The following DOCK10 variants were observed in gnomAD, a reference collection of about 807,000 sequenced individuals.
The protein encoded by DOCK10 is dedicator of cytokinesis protein 10.
In DOCK10, 145 loss-of-function variants were observed where a neutral mutation model predicts 280.1. The observed-to-expected ratio is 0.52, with a 90% CI of 0.45 to 0.59. The LOEUF (loss-of-function observed/expected upper bound fraction) is 0.59, where lower values mean the gene tolerates loss of function less well. DOCK10 is among the 20% of genes least tolerant of loss of function. DOCK10 has a pLI of 0.00. For synonymous variants in DOCK10, 915 were observed against 942.2 expected (o/e 0.97, Z 0.53); for missense variants, 2,368 against 2,651.7 (o/e 0.89, Z 2.35).
At position 224,770,267 on chromosome 2, in the gene DOCK10, G is replaced by C; in HGVS notation, c.6388C>G (p.Leu2130Val). The C allele has an allele frequency of 6.2e-7, 1 of 1,605,154 alleles. No homozygotes were observed. The highest frequency in any genetic ancestry group is 8.5e-7 in the Non-Finnish European group (1 of 1,175,832). The change falls in exon 55 of 56, where the codon CTG becomes GTG. Residue 2130 changes from leucine (L) to valine (V), a missense_variant. Physicochemically the swap from Leu to Val is conservative, Grantham distance 32. Around this residue, in one of 2 missense-constraint regions of DOCK10, gnomAD observed 1,159 missense variants for 1,400.8 expected, o/e 0.83. Coordinates refer to ENST00000258390, the MANE Select transcript of DOCK10 (RefSeq NM_014689.3). This position sits in a 1 kb window ranked among gnomAD's most constrained non-coding sequence, Gnocchi z 4.5. ...AGCATGTCCTTGTAGTGGGACCTCA[G>C]TTCTTCCTGGTACTCCAGCTGGTCC... ...KEDQLEYQEE[L>V]RSHYKDMLSE...
chr2:224,867,902 T>C (rs1345102884), intron 11 of DOCK10, among the ~76,000 whole-genome samples: 1 of 152,176 alleles, frequency 6.6e-6, no homozygotes, highest in Non-Finnish European at 1.5e-5. Flanking sequence ...GGTCATACCA[T>C]TGGCTGATAT....
Position 224,806,027 on chromosome 2 carries a change from T to C in DOCK10, c.3814+99A>G, listed in dbSNP as rs183244609. The C allele has an allele frequency of 6.5e-4, 432 of 669,678 alleles. 2 individuals are homozygous for C. In the African/African-American group the frequency reaches 7.6e-3, roughly 12 times the overall value. The allele number at this position is 669,678 out of a possible 1,614,324, so 41.5% of individuals were successfully genotyped here. On this transcript the variant is annotated intron_variant, in intron 34 of 55. Transcript: ENST00000258390. ...ATGTAGTATACTTTGCCACGTAGAT[T>C]ATGCATAATAAATTACGGACTGAGT...
chr2:224,771,597 G>C (rs1272953465), intron 53 of DOCK10, among the ~76,000 whole-genome samples: 1 of 152,248 alleles, frequency 6.6e-6, no homozygotes, highest in African/African-American at 2.4e-5. Context: ...GTGCATAGAA[G>C]CCTTTAATGT....
chr2:224,804,748 G>T, intron 38 of DOCK10, 46 bp downstream of exon 38: 1 of 1,245,612 alleles, frequency 8.0e-7, no homozygotes, highest in Non-Finnish European at 1.1e-6. Context: ...CATGTCATAT[G>T]CTTTTTAAAA....
At chr2:225,019,947 G>C (rs1689742205) in intron 1 of DOCK10, among the ~76,000 whole-genome samples, 1 of 152,054 alleles carries the variant, frequency 6.6e-6, no homozygotes, top group African/African-American at 2.4e-5. Context: ...TTAATACATG[G>C]GTGTAAATTG....
At chr2:224,796,084 G>C (rs569165078) in intron 44 of DOCK10, among the ~76,000 whole-genome samples, 51 of 151,686 alleles carry the variant, frequency 3.4e-4, no homozygotes, top group African/African-American at 1.2e-3. Flanking sequence ...TTAGAGACAA[G>C]GTCTTGCTCT....
At chr2:224,851,628 T>C (rs1346291001) in intron 18 of DOCK10, among the ~76,000 whole-genome samples, 1 of 152,036 alleles carries the variant, frequency 6.6e-6, no homozygotes, top group Non-Finnish European at 1.5e-5. Context: ...GGGGGTTAGT[T>C]AGAAATTAGT....
chr2:224,870,977 C>T (rs1428070892), intron 11 of DOCK10, among the ~76,000 whole-genome samples: 8 of 151,934 alleles, frequency 5.3e-5, no homozygotes, highest in Admixed American at 5.2e-4. Context: ...CAGGCGTGTG[C>T]CACTGTGTAC....
intron 41 of DOCK10, among the ~76,000 whole-genome samples, chr2:224,799,673 A>G (rs576233660): frequency 7.9e-5 from 12 of 152,356 alleles, no homozygotes; most frequent in African/African-American, 2.6e-4. Context: ...CACCCTTGCC[A>G]AAACTTTGGA....
intron 31 of DOCK10, among the ~76,000 whole-genome samples, chr2:224,809,974 A>G (rs1222300601): frequency 1.5e-5 from 2 of 134,278 alleles, no homozygotes; most frequent in Non-Finnish European, 1.6e-5. Flanking sequence ...CATACGATGG[A>G]GTATTATTCA....
Position 224,837,823 on chromosome 2 carries a change from G to C in DOCK10, c.2789C>G (p.Thr930Ser). Residue 930 changes from threonine (T) to serine (S), a missense_variant, in exon 25 of 56, where the codon ACC becomes AGC. Physicochemically the swap from Thr to Ser is moderately conservative, Grantham distance 58. Transcript: ENST00000258390. The part of the protein sequence containing the change: ...EITTTVTRVL[T>S]DIVAKCHEEQ... The stretch of plus-strand genomic sequence containing the variant: ...CTCATGGCACTTGGCCACAATGTCG[G>C]TCAGAACCCTGCAAAAGCAAAGCTG... 1 of 1,613,834 alleles carries C rather than the reference G, an allele frequency of 6.2e-7. No individual in the cohort carries two copies. Among genetic ancestry groups the C allele is most frequent in the Non-Finnish European group, 8.5e-7 (1 of 1,179,852 alleles).
chr2:224,945,285 C>T (rs985321229), intron 1 of DOCK10, among the ~76,000 whole-genome samples: 3 of 152,144 alleles, frequency 2.0e-5, no homozygotes, highest in South Asian at 2.1e-4. Context: ...GCTGACAAGG[C>T]TCTTTTGGAG....
At chr2:224,988,540 GAAATT>G (rs1706034841) in intron 1 of DOCK10, among the ~76,000 whole-genome samples, 1 of 152,204 alleles carries the variant, frequency 6.6e-6, no homozygotes, top group African/African-American at 2.4e-5. Flanking sequence ...GAGGCACAGA[GAAATT>G]AAGTGATTCC....
At chr2:225,038,621 T>A (rs1271585156) in intron 1 of DOCK10, among the ~76,000 whole-genome samples, 2 of 152,198 alleles carry the variant, frequency 1.3e-5, no homozygotes, top group African/African-American at 4.8e-5. Context: ...GGCAGGATGC[T>A]TTCTCTTTAA....
chr2:224,916,569 C>G, intron 3 of DOCK10, 126 bp downstream of exon 3: 1 of 523,480 alleles, frequency 1.9e-6, no homozygotes, highest in South Asian at 2.5e-5. Flanking sequence ...AAAAGACATC[C>G]ACTAGTTAGA....
At chr2:224,946,742 T>C in intron 1 of DOCK10, 1 of 788,810 alleles carries the variant, frequency 1.3e-6, no homozygotes, top group Non-Finnish European at 1.9e-6. Context: ...CATATAAGAC[T>C]TCACCCAGCA....
intron 55 of DOCK10, among the ~76,000 whole-genome samples, chr2:224,767,800 C>A (rs1360360340): frequency 2.6e-5 from 4 of 152,170 alleles, no homozygotes; most frequent in African/African-American, 7.2e-5. Flanking sequence ...ACTCTCACTT[C>A]TAGTGTTCGG....
chr2:224,834,487 G>A (rs973939381), intron 25 of DOCK10, among the ~76,000 whole-genome samples: 3 of 152,176 alleles, frequency 2.0e-5, no homozygotes, highest in Non-Finnish European at 4.4e-5. Context: ...ACTCTTTGTA[G>A]AAATCAAGAG....
chr2:224,779,539 T>G (rs2125026445), intron 50 of DOCK10, among the ~76,000 whole-genome samples: 1 of 152,254 alleles, frequency 6.6e-6, no homozygotes, highest in South Asian at 2.1e-4. Flanking sequence ...CATAAGGAAA[T>G]GCCTTTTGAG....
Sources: gnomAD v4.1 joint callset for allele counts (sites outside exome capture counted in the v4.1 genomes callset) on GRCh38, gnomAD v4.1.1 for gene constraint, gnomAD v4.1.1 regional missense constraint, Gnocchi (gnomAD v3.1) non-coding constraint, MANE v1.5 for transcripts, NCBI Gene and HGNC (gene_info 2026-07-23, HGNC 2026-07-21) for gene names.